Variants in KIF6 observed in about 807,000 individuals in gnomAD.
KIF6 encodes the protein kinesin family member 6, also known as kinesin-like protein KIF6.
Under a neutral mutation model 112.7 loss-of-function variants are expected in KIF6, and 106 were observed. That is an observed-to-expected ratio of 0.94 (90% CI 0.80 to 1.11). KIF6 has a LOEUF of 1.11. Ranked by LOEUF, KIF6 falls within the 50% of genes least tolerant of loss-of-function variation. The probability of loss-of-function intolerance (pLI) is 0.00; values close to 1 mark genes in which losing one functional copy is unlikely to be tolerated. For synonymous variants in KIF6, 339 were observed against 339.9 expected, an observed-to-expected ratio of 1.00 and a Z score of 0.03; for missense variants, 929 against 964.0, an observed-to-expected ratio of 0.96 and a Z score of 0.48.
chr6:39,543,974 C>T (rs1302877628), intron 12 of KIF6, among the ~76,000 whole-genome samples: 2 of 152,238 alleles, frequency 1.3e-5, no homozygotes, highest in African/African-American at 2.4e-5. Flanking sequence ...CTCATCTATA[C>T]TCACTTCCAA....
intron 16 of KIF6, among the ~76,000 whole-genome samples, chr6:39,372,074 G>A (rs1356755063): frequency 6.6e-6 from 1 of 152,176 alleles, no homozygotes; most frequent in African/African-American, 2.4e-5. Context: ...CAGTTGGCCT[G>A]AGTTGGGGTA....
At position 39,575,557 on chromosome 6, in the gene KIF6, A is replaced by G. The variant is rs562187696; in HGVS notation, c.1181+2499T>C. Among the ~76,000 whole-genome samples, 4 of 152,282 alleles carry G rather than the reference A, an allele frequency of 2.6e-5. No homozygotes were observed. The South Asian group carries it at 8.3e-4, about 32-fold the overall frequency. On this transcript the variant is annotated intron_variant, in intron 10 of 22. Coordinates refer to ENST00000287152, the MANE Select transcript of KIF6 (RefSeq NM_145027.6). The stretch of plus-strand genomic sequence containing the variant: ...AGTGCTGGGATTACAGGCGTGAGCC[A>G]CCACGCCCGGCTGCTTCCTCTTATT...
intron 5 of KIF6, among the ~76,000 whole-genome samples, chr6:39,617,369 T>A (rs945652351): frequency 2.0e-5 from 3 of 152,152 alleles, no homozygotes; most frequent in African/African-American, 7.2e-5. Context: ...AAGCTATCAA[T>A]GAAAGAATCC....
At chr6:39,376,972 C>T (rs868142847) in intron 16 of KIF6, among the ~76,000 whole-genome samples, 8 of 152,330 alleles carry the variant, frequency 5.3e-5, no homozygotes, top group Admixed American at 1.3e-4. Flanking sequence ...ACCCTTGCCT[C>T]GTGGTCCTGA....
intron 3 of KIF6, among the ~76,000 whole-genome samples, chr6:39,702,065 G>C (rs1229985388): frequency 6.6e-6 from 1 of 152,146 alleles, no homozygotes; most frequent in Non-Finnish European, 1.5e-5. Context: ...ATGTGGAAAT[G>C]GGAATTTCCT....
chr6:39,545,570 C>T lies in KIF6; in HGVS notation c.1287+13G>A. 1 of 1,594,408 alleles carries T rather than the reference C, an allele frequency of 6.3e-7. No homozygotes were observed. The highest frequency in any genetic ancestry group is 8.6e-7 in the Non-Finnish European group (1 of 1,163,650). ...CTGAAAATGGCTTCTATTGGGGAAACATTTAAGTTTACCTTTAAATGATGA... is the reference window on the plus strand; with the variant it reads ...CTGAAAATGGCTTCTATTGGGGAAATATTTAAGTTTACCTTTAAATGATGA... On this transcript the variant is annotated intron_variant, in intron 11 of 22. Coordinates refer to ENST00000287152, the MANE Select transcript of KIF6 (RefSeq NM_145027.6).
At chr6:39,657,322 A>T (rs1785857402) in intron 3 of KIF6, among the ~76,000 whole-genome samples, 1 of 152,138 alleles carries the variant, frequency 6.6e-6, no homozygotes, top group Admixed American at 6.5e-5. Context: ...CAGGGTAACT[A>T]GAATTTTGTA....
intron 10 of KIF6, among the ~76,000 whole-genome samples, chr6:39,550,533 C>G (rs1447560273): frequency 2.0e-5 from 3 of 152,134 alleles, no homozygotes; most frequent in Non-Finnish European, 4.4e-5. Flanking sequence ...CCTCTAATAT[C>G]AAGCTGGAAA....
At chr6:39,706,703 T>C (rs1315884068) in intron 3 of KIF6, among the ~76,000 whole-genome samples, 1 of 152,250 alleles carries the variant, frequency 6.6e-6, no homozygotes, top group East Asian at 1.9e-4. Context: ...AGTGCAACTG[T>C]GGCCAGAAGT....
In KIF6 at chr6:39,665,334, A is replaced by G. The variant is rs147494248; in HGVS notation, c.252-25577T>C. ...TTTTGCATACATGCACAATGCTTAC[A>G]CACAAAGTCAATATGCACAATGCTT... On this transcript the variant is annotated intron_variant, in intron 3 of 22. Transcript: ENST00000287152. Among the ~76,000 whole-genome samples the G allele has an allele frequency of 9.8e-5, 15 of 152,322 alleles. No homozygotes were observed. The East Asian group carries it at 2.9e-3, about 29-fold the overall frequency.
In KIF6 at chr6:39,578,067, T is replaced by C. The variant is rs774509493; in HGVS notation, c.1170A>G (p.Ala390=). ...GTCTGCAGACTTACTGAAGGAGCTC[T>C]GCTTCTGTGAGTGCCTCTGTCCTCT... ...GEQRTEALTE[A]ELLQLEKLIT... The change falls in exon 10 of 23, where the codon GCA becomes GCG. Residue 390 remains alanine, a synonymous_variant. Transcript: ENST00000287152. The C allele has an allele frequency of 8.7e-6, 14 of 1,611,718 alleles. No individual in the cohort carries two copies. In the Admixed American group the frequency reaches 1.3e-4, roughly 15 times the overall value.
intron 15 of KIF6, among the ~76,000 whole-genome samples, chr6:39,398,550 A>T (rs1768441189): frequency 6.6e-6 from 1 of 152,236 alleles, no homozygotes; most frequent in Non-Finnish European, 1.5e-5. Context: ...GAGACAAGCT[A>T]ATCATTTTAA....
At chr6:39,510,094 CTTTTTTTT>C (rs70984130) in intron 13 of KIF6, among the ~76,000 whole-genome samples, 1 of 131,558 alleles carries the variant, frequency 7.6e-6, no homozygotes, top group African/African-American at 2.9e-5. Flanking sequence ...CTTTTCTTTT[CTTTTTTTT>C]TTTTTTTTTG....
chr6:39,584,064 G>A (rs571877826), intron 9 of KIF6, among the ~76,000 whole-genome samples: 9 of 152,178 alleles, frequency 5.9e-5, no homozygotes, highest in Admixed American at 2.6e-4. Flanking sequence ...GAACAAGTAT[G>A]TAAAATATGG....
rs773638393 is a variant in KIF6 at position 39,348,059 on chromosome 6, A to C, written c.2181-1533T>G. On this transcript the variant is annotated intron_variant, in intron 19 of 22. Coordinates refer to ENST00000287152, the MANE Select transcript of KIF6 (RefSeq NM_145027.6). Reference sequence around the variant, plus strand: ...CGCTTTTCTTCAGAGAACAGTAACCAATTCTCAAGGCTCCTGCTGAGTGGT... The same window carrying C: ...CGCTTTTCTTCAGAGAACAGTAACCCATTCTCAAGGCTCCTGCTGAGTGGT... 2.0e-5 allele frequency among the ~76,000 whole-genome samples: 3 copies of C among 152,200 alleles called. No individual in the cohort carries two copies. The South Asian group carries it at 6.2e-4, about 32-fold the overall frequency.
chr6:39,362,630 TGA>T (rs1373913909), intron 16 of KIF6, 112 bp from the exon 17 acceptor site: 1 of 818,308 alleles, frequency 1.2e-6, no homozygotes, highest in Non-Finnish European at 2.1e-6. Flanking sequence ...GGAGCCTCTG[TGA>T]GTTCCTTCTG....
chr6:39,345,842 G>GA (rs34799567), intron 20 of KIF6, 53 bp from the exon 21 acceptor site: 306,274 of 1,323,980 alleles, frequency 0.23, 41,572 homozygotes, highest in African/African-American at 0.61. Context: ...ATTTATAGAA[G>GA]GAAATTCAGG....
At chr6:39,404,953 G>A (rs6915826) in intron 15 of KIF6, among the ~76,000 whole-genome samples, 8,079 of 150,334 alleles carry the variant, frequency 0.054, 685 homozygotes, top group African/African-American at 0.18. Flanking sequence ...TTATATATTA[G>A]CATTTAATAT....
intron 4 of KIF6, among the ~76,000 whole-genome samples, chr6:39,636,373 T>C (rs894371258): frequency 6.6e-6 from 1 of 151,976 alleles, no homozygotes; most frequent in Non-Finnish European, 1.5e-5. Flanking sequence ...GAAGGTGACA[T>C]GGACCGAATT....
Sources: gnomAD v4.1 joint callset for allele counts (sites outside exome capture counted in the v4.1 genomes callset) on GRCh38, gnomAD v4.1.1 for gene constraint, MANE v1.5 for transcripts, NCBI Gene and HGNC (gene_info 2026-07-23, HGNC 2026-07-21) for gene names.